The following CDH13 variants were observed in gnomAD, a reference collection of about 807,000 sequenced individuals.
The protein encoded by CDH13 is cadherin 13.
CDH13 carries 24 observed loss-of-function variants against 63.8 expected under a neutral mutation model. The ratio of observed to expected loss-of-function variants is 0.38; its 90% CI spans 0.27 to 0.53. The LOEUF is 0.53. CDH13 is among the 20% of genes least tolerant of loss of function. The pLI is 0.85. For synonymous variants in CDH13, 503 were observed against 355.3 expected, an observed-to-expected ratio of 1.42 and a Z score of -4.67; for missense variants, 1,049 against 903.1, an observed-to-expected ratio of 1.16 and a Z score of -2.07.
intron 7 of CDH13, among the ~76,000 whole-genome samples, chr16:83,576,800 A>G (rs1319287621): frequency 6.6e-6 from 1 of 152,176 alleles, no homozygotes. Flanking sequence ...GGCCATTTGT[A>G]TATCTTCTTT....
rs1223409766 is a variant in CDH13, at chr16:83,798,098, T to C, written c.*3068T>C. 6.6e-6 allele frequency: 1 copy of C among 152,218 alleles called. No individual in the cohort carries two copies. The highest frequency in any genetic ancestry group is 2.4e-5 in the African/African-American group (1 of 41,450). The allele number at this position is 152,218 out of a possible 1,614,324, so 9.4% of individuals were successfully genotyped here. A position where few individuals can be genotyped will look rare whatever the true frequency, so the allele number is the denominator to read the frequency against. ...GACTTTGGCTCTTAAAGAACATCGT[T>C]AGAAATTTTGATAGCTCATTCCAGA... On this transcript the variant is annotated 3_prime_UTR_variant, in exon 14 of 14. Transcript: ENST00000567109.
intron 1 of CDH13, among the ~76,000 whole-genome samples, chr16:82,666,086 G>A (rs1912549385): frequency 6.6e-6 from 1 of 152,166 alleles, no homozygotes; most frequent in Non-Finnish European, 1.5e-5. Context: ...GGTGTGGACT[G>A]TGATTCTTAA....
chr16:83,544,702 A>C (rs1346263346), intron 7 of CDH13, among the ~76,000 whole-genome samples: 1 of 152,208 alleles, frequency 6.6e-6, no homozygotes, highest in African/African-American at 2.4e-5. Context: ...AAGTCAAAAA[A>C]TTATGAGTGA....
At chr16:83,097,795 A>C (rs891427031) in intron 3 of CDH13, among the ~76,000 whole-genome samples, 2 of 152,218 alleles carry the variant, frequency 1.3e-5, no homozygotes, top group Admixed American at 6.5e-5. Flanking sequence ...AAATTACAGA[A>C]GTTTTCTCAG....
chr16:83,647,832 G>A (rs1598410508), intron 8 of CDH13, among the ~76,000 whole-genome samples: 1 of 152,078 alleles, frequency 6.6e-6, no homozygotes, highest in South Asian at 2.1e-4. Context: ...CTCCTTGACT[G>A]GTCAGTCCTA....
In CDH13 at chr16:83,610,460, G is replaced by C. The variant is rs565936691; in HGVS notation, c.1101+7866G>C. 8.9e-4 allele frequency among the ~76,000 whole-genome samples: 135 copies of C among 152,248 alleles called. 1 individual carries two copies. Among genetic ancestry groups the C allele is most frequent in the South Asian group, 3.1e-3 (15 of 4,822 alleles). ...AACACAAAACCCAAATCAAGACACA[G>C]AATATGATCAGCAACTCAAAAGCTT... On this transcript the variant is annotated intron_variant, in intron 8 of 13. Coordinates refer to ENST00000567109, the MANE Select transcript of CDH13 (RefSeq NM_001257.5).
chr16:83,095,201 T>C lies in CDH13; in HGVS notation c.367-30184T>C, dbSNP rs759985022. ...ATGCCAAGCTACAAACATGACATCA[T>C]GGAATTGGAAGAAATAGTAAAAATC... On this transcript the variant is annotated intron_variant, in intron 3 of 13. Transcript: ENST00000567109. 7.5e-4 allele frequency among the ~76,000 whole-genome samples: 114 copies of C among 152,214 alleles called. 1 individual carries two copies. Among genetic ancestry groups the C allele is most frequent in the Admixed American group, 3.7e-3 (57 of 15,280 alleles).
chr16:83,730,626 TG>T lies in CDH13; in HGVS notation c.1539-17481del, dbSNP rs1181586473. ...GGTACAAAGGATCACCTGGGTTTTTTGTTTGTTTGTTTTTGTTTTGTTTTCG... is the reference window on the plus strand; with the variant it reads ...GGTACAAAGGATCACCTGGGTTTTTTTTTGTTTGTTTTTGTTTTGTTTTCG... On this transcript the variant is annotated intron_variant, in intron 10 of 13. Coordinates refer to ENST00000567109, the MANE Select transcript of CDH13 (RefSeq NM_001257.5). Among the ~76,000 whole-genome samples, 7 of 150,630 alleles carry T rather than the reference TG, an allele frequency of 4.6e-5. No individual in the cohort carries two copies. The Admixed American group carries it at 4.7e-4, about 10-fold the overall frequency.
chr16:82,796,420 C>G (rs548399676), intron 1 of CDH13, among the ~76,000 whole-genome samples: 93 of 152,294 alleles, frequency 6.1e-4, no homozygotes, highest in Non-Finnish European at 1.0e-3. Context: ...TATGGAACTA[C>G]CAGATACTGA....
At chr16:83,066,800 T>C (rs553783045) in intron 3 of CDH13, among the ~76,000 whole-genome samples, 1 of 152,196 alleles carries the variant, frequency 6.6e-6, no homozygotes, top group South Asian at 2.1e-4. Flanking sequence ...GTCAGCACAT[T>C]TTCTGCTTCT....
intron 2 of CDH13, among the ~76,000 whole-genome samples, chr16:82,923,578 A>G (rs576895106): frequency 1.3e-5 from 2 of 152,300 alleles, no homozygotes; most frequent in South Asian, 2.1e-4. Context: ...CCATAGTTTC[A>G]TTTACTATCT....
At chr16:83,616,738 G>A (rs1021408865) in intron 8 of CDH13, among the ~76,000 whole-genome samples, 31 of 152,210 alleles carry the variant, frequency 2.0e-4, no homozygotes, top group Middle Eastern at 3.4e-3. Flanking sequence ...AAGATGAAAC[G>A]TCCAGGTCCA....
chr16:82,771,027 T>A (rs989923927), intron 1 of CDH13, among the ~76,000 whole-genome samples: 2 of 152,234 alleles, frequency 1.3e-5, no homozygotes, highest in African/African-American at 4.8e-5. Context: ...ATAGTTCCAA[T>A]TTTTTATGTG....
At position 83,671,361 on chromosome 16, in the gene CDH13, G is replaced by A. The variant is rs1428474478; in HGVS notation, c.1284+389G>A. Among the ~76,000 whole-genome samples, 4 of 152,230 alleles carry A rather than the reference G, an allele frequency of 2.6e-5. No homozygotes were observed. The South Asian group carries it at 8.3e-4, about 32-fold the overall frequency. On this transcript the variant is annotated intron_variant, in intron 9 of 13. Transcript: ENST00000567109. ...CCTCCTAGGTTCAAGTGATTCTCGT[G>A]CCTCAGCCTCCTGAGTAGCTGGGAT...
At chr16:83,013,555 G>C (rs902019228) in intron 2 of CDH13, among the ~76,000 whole-genome samples, 2 of 152,154 alleles carry the variant, frequency 1.3e-5, no homozygotes, top group Non-Finnish European at 2.9e-5. Context: ...GGGATTAAGA[G>C]CCTCAGGAAG....
At chr16:83,565,861 A>T (rs1904276651) in intron 7 of CDH13, among the ~76,000 whole-genome samples, 1 of 151,410 alleles carries the variant, frequency 6.6e-6, no homozygotes, top group Admixed American at 6.6e-5. Flanking sequence ...CTTTTGTGAT[A>T]ACTGATTTAT....
At chr16:83,132,072 G>A (rs1288305599) in intron 4 of CDH13, among the ~76,000 whole-genome samples, 13 of 152,130 alleles carry the variant, frequency 8.5e-5, no homozygotes, top group African/African-American at 2.2e-4. Flanking sequence ...CCACCTATGC[G>A]AATAGGTGCC....
chr16:82,792,470 C>T (rs190786653), intron 1 of CDH13, among the ~76,000 whole-genome samples: 63 of 152,278 alleles, frequency 4.1e-4, no homozygotes, highest in African/African-American at 1.5e-3. Flanking sequence ...AGTCCCAATA[C>T]ACAATTCAGT....
intron 11 of CDH13, among the ~76,000 whole-genome samples, chr16:83,777,646 C>T (rs1915215004): frequency 1.3e-5 from 2 of 152,236 alleles, no homozygotes; most frequent in Non-Finnish European, 2.9e-5. Context: ...ATGCCCACGC[C>T]TGCTTCTACT....
Sources: allele counts gnomAD v4.1 joint callset (sites outside exome capture counted in the v4.1 genomes callset), GRCh38; gene constraint gnomAD v4.1.1; transcripts MANE v1.5; gene names NCBI Gene and HGNC (gene_info 2026-07-23, HGNC 2026-07-21).